The following EXOSC4 variants were observed in gnomAD, a reference collection of about 807,000 sequenced individuals.
EXOSC4 encodes exosome component 4, also known as exosome complex component RRP41.
A neutral mutation model predicts 20.0 loss-of-function variants in EXOSC4; 14 were observed. The observed-to-expected ratio is 0.70, with a 90% CI of 0.46 to 1.09. The LOEUF (loss-of-function observed/expected upper bound fraction) is 1.09, where lower values mean the gene tolerates loss of function less well. Ranked by LOEUF, EXOSC4 falls within the 50% of genes least tolerant of loss-of-function variation. EXOSC4 has a pLI of 0.00. For synonymous variants in EXOSC4, 148 were observed against 146.4 expected (o/e 1.01, Z -0.08); for missense variants, 337 against 334.0 (o/e 1.01, Z -0.07).
chr8:144,067,248 A>AGG, the EXOSC4 span, among the ~76,000 whole-genome samples: 1 of 152,224 alleles, frequency 6.6e-6, no homozygotes, highest in African/African-American at 2.4e-5. Flanking sequence ...ACTGTGAATA[A>AGG]GATGGACTTT....
chr8:144,068,688 CTG>C, the EXOSC4 span, among the ~76,000 whole-genome samples: 1 of 152,254 alleles, frequency 6.6e-6, no homozygotes, highest in Non-Finnish European at 1.5e-5. Flanking sequence ...CAGGGGGAAT[CTG>C]TGGTGCTTGA....
At chr8:144,065,399 G>T in the EXOSC4 span, among the ~76,000 whole-genome samples, 1 of 152,050 alleles carries the variant, frequency 6.6e-6, no homozygotes, top group African/African-American at 2.4e-5. Flanking sequence ...CAGGAGACTG[G>T]GGGCAACTGT....
the EXOSC4 span, among the ~76,000 whole-genome samples, chr8:144,072,130 G>T: frequency 2.0e-4 from 31 of 152,296 alleles, no homozygotes; most frequent in African/African-American, 6.5e-4. Flanking sequence ...CGTGTGTTGG[G>T]AACATTTCAA....
chr8:144,069,754 C>CCA, the EXOSC4 span, among the ~76,000 whole-genome samples: 1 of 152,250 alleles, frequency 6.6e-6, no homozygotes, highest in Non-Finnish European at 1.5e-5. Context: ...AGCTTTCCAA[C>CCA]CACACACACA....
At chr8:144,079,730 A>C in intron 1 of EXOSC4, 1 of 693,958 alleles carries the variant, frequency 1.4e-6, no homozygotes, top group East Asian at 2.7e-5. Flanking sequence ...TTGGCAGGGA[A>C]TGGGGCAAGG....
chr8:144,075,000 G>T (rs1307317794), upstream of EXOSC4, among the ~76,000 whole-genome samples: 1 of 152,250 alleles, frequency 6.6e-6, no homozygotes, highest in East Asian at 1.9e-4. Context: ...TTAATTATTA[G>T]TAATAAAATT....
At position 144,078,786 on chromosome 8, in the gene EXOSC4, G is replaced by T. The variant is rs781840523; in HGVS notation, c.58G>T (p.Gly20Trp). 18 of 1,550,130 alleles carry T rather than the reference G, an allele frequency of 1.2e-5. No individual in the cohort carries two copies. The highest frequency in any genetic ancestry group is 1.5e-5 in the Non-Finnish European group (17 of 1,151,348). Residue 20 changes from glycine to tryptophan, a missense_variant, in exon 1 of 3, where the codon GGG (glycine) becomes TGG (tryptophan). Gly to Trp is a radical substitution (Grantham distance 184, BLOSUM62 -2). Coordinates refer to ENST00000316052, the MANE Select transcript of EXOSC4 (RefSeq NM_019037.3). This position sits in a 1 kb window ranked among gnomAD's most constrained non-coding sequence, Gnocchi z 4.7. ...QGYRVDGRRA[G>W]ELRKIQARMG... is the part of the protein sequence containing the mutation. ...CTACCGGGTGGACGGGCGGCGCGCC[G>T]GGGAGCTGCGCAAGATCCAGGCGCG...
upstream of EXOSC4, among the ~76,000 whole-genome samples, chr8:144,073,773 C>T (rs1835811815): frequency 6.6e-6 from 1 of 152,020 alleles, no homozygotes; most frequent in Non-Finnish European, 1.5e-5. Flanking sequence ...ATCGCTTGAA[C>T]ACGGGAGGCA....
At chr8:144,075,125 T>C (rs142234244), upstream of EXOSC4, among the ~76,000 whole-genome samples, 8,167 of 151,850 alleles carry the variant, frequency 0.054, 786 homozygotes, top group African/African-American at 0.19. Context: ...TGCAGTGGTG[T>C]GACCACAGCT....
the EXOSC4 span, among the ~76,000 whole-genome samples, chr8:144,069,121 G>A: frequency 1.3e-5 from 2 of 152,240 alleles, no homozygotes; most frequent in African/African-American, 4.8e-5. Context: ...AGCCTGGAGT[G>A]TAGCTGAAAA....
upstream of EXOSC4, among the ~76,000 whole-genome samples, chr8:144,077,173 A>T (rs1180923790): frequency 1.3e-5 from 2 of 151,962 alleles, no homozygotes; most frequent in African/African-American, 4.8e-5. Flanking sequence ...TGAACCCTGG[A>T]GGTGGAGGGT....
Position 144,080,362 on chromosome 8 carries a change from G to A in EXOSC4, c.499G>A (p.Gly167Ser), listed in dbSNP as rs781799481. ...VCACSAGFVDGTALADLSHVE... is the reference protein window; with the variant it reads ...VCACSAGFVDSTALADLSHVE... The stretch of plus-strand genomic sequence containing the variant: ...TGCGTGCTCAGCTGGCTTCGTGGAC[G>A]GCACAGCCCTGGCGGACCTCAGCCA... The change falls in exon 3 of 3, where the codon GGC (glycine) becomes AGC (serine). Residue 167 changes from glycine (G) to serine (S), a missense_variant. Transcript: ENST00000316052. This position sits in a 1 kb window ranked among gnomAD's most constrained non-coding sequence, Gnocchi z 4.9. 69 of 1,612,926 alleles carry A rather than the reference G, an allele frequency of 4.3e-5. 1 individual carries two copies. Among genetic ancestry groups the A allele is most frequent in the South Asian group, 1.1e-4 (10 of 91,084 alleles).
chr8:144,067,342 C>T, the EXOSC4 span, among the ~76,000 whole-genome samples: 10 of 152,224 alleles, frequency 6.6e-5, no homozygotes, highest in Middle Eastern at 3.4e-3. Context: ...ATCACGTGAT[C>T]CTTCCAAAGG....
At chr8:144,065,080 C>G in the EXOSC4 span, among the ~76,000 whole-genome samples, 1 of 152,004 alleles carries the variant, frequency 6.6e-6, no homozygotes, top group Non-Finnish European at 1.5e-5. Context: ...TTCCTGACCT[C>G]GTGATCTGCC....
At chr8:144,078,605 C>G, upstream of EXOSC4, 1 of 1,134,546 alleles carries the variant, frequency 8.8e-7, no homozygotes, top group South Asian at 2.0e-5. This position sits in a 1 kb window ranked among gnomAD's most constrained non-coding sequence, Gnocchi z 4.7. Context: ...TGTAGTTCCC[C>G]GGAACCGGAA....
chr8:144,069,188 G>A, the EXOSC4 span, among the ~76,000 whole-genome samples: 1 of 152,340 alleles, frequency 6.6e-6, no homozygotes, highest in Non-Finnish European at 1.5e-5. Context: ...ACCCCTGGGA[G>A]TCCAGAAGCC....
At chr8:144,077,229 G>A (rs1014867027), upstream of EXOSC4, among the ~76,000 whole-genome samples, 1 of 152,176 alleles carries the variant, frequency 6.6e-6, no homozygotes, top group Admixed American at 6.5e-5. Flanking sequence ...TGGGTGCAGA[G>A]TAAGACTCCA....
intron 1 of EXOSC4, chr8:144,079,213 A>C: frequency 3.4e-6 from 1 of 291,528 alleles, no homozygotes; most frequent in African/African-American, 2.2e-5. Context: ...CGACCTTATT[A>C]TCCACGCGGT....
At position 144,080,223 on chromosome 8, in the gene EXOSC4, C is replaced by T. The variant is rs781858259; in HGVS notation, c.379-19C>T. ...TTGGGGAGGGAGTCTGATAGACTGA[C>T]ACCCTGGGTTCCCTGCAGGTGCTAC... is the stretch of plus-strand genomic sequence containing the variant. On this transcript the variant is annotated intron_variant, in intron 2 of 2. Transcript: ENST00000316052. This position sits in a 1 kb window ranked among gnomAD's most constrained non-coding sequence, Gnocchi z 4.9. 3 of 1,610,790 alleles carry T rather than the reference C, an allele frequency of 1.9e-6. No individual in the cohort carries two copies. Among genetic ancestry groups the T allele is most frequent in the South Asian group, 2.2e-5 (2 of 90,848 alleles).
Sources: allele counts gnomAD v4.1 joint callset (sites outside exome capture counted in the v4.1 genomes callset), GRCh38; gene constraint gnomAD v4.1.1; non-coding constraint Gnocchi (gnomAD v3.1); transcripts MANE v1.5; gene names NCBI Gene and HGNC (gene_info 2026-07-23, HGNC 2026-07-21).